The following ROR1 variants were observed in gnomAD, a reference collection of about 807,000 sequenced individuals.
ROR1 encodes inactive tyrosine-protein kinase transmembrane receptor ROR1.
A neutral mutation model predicts 78.8 loss-of-function variants in ROR1; 19 were observed. The ratio of observed to expected loss-of-function variants is 0.24; its 90% CI spans 0.17 to 0.35. ROR1 has a LOEUF of 0.35. Among genes scored for constraint, ROR1 ranks in the 10% least tolerant of loss-of-function variants. ROR1 has a pLI of 1.00. For synonymous variants in ROR1, 386 were observed against 433.6 expected, an observed-to-expected ratio of 0.89 and a Z score of 1.36; for missense variants, 917 against 1,177.8, an observed-to-expected ratio of 0.78 and a Z score of 3.24.
intron 1 of ROR1, among the ~76,000 whole-genome samples, chr1:63,870,740 T>C (rs1645245741): frequency 6.6e-6 from 1 of 152,182 alleles, no homozygotes; most frequent in South Asian, 2.1e-4. Flanking sequence ...AGACTGAGGA[T>C]GGAAATGTTG....
At chr1:63,828,338 A>G (rs1373294109) in intron 1 of ROR1, among the ~76,000 whole-genome samples, 1 of 152,166 alleles carries the variant, frequency 6.6e-6, no homozygotes, top group African/African-American at 2.4e-5. Context: ...TTTTGTCTTT[A>G]TTATGTAATT....
At chr1:64,045,158 T>C (rs772003770) in intron 2 of ROR1, among the ~76,000 whole-genome samples, 5 of 152,176 alleles carry the variant, frequency 3.3e-5, no homozygotes, top group Admixed American at 6.5e-5. Flanking sequence ...AATTTTGGTG[T>C]AGTATCAAAG....
chr1:64,110,268 G>GT (rs1648035185), intron 4 of ROR1, among the ~76,000 whole-genome samples: 1 of 152,132 alleles, frequency 6.6e-6, no homozygotes, highest in Non-Finnish European at 1.5e-5. Flanking sequence ...CATATTGTCT[G>GT]TTTTAACTAG....
At chr1:63,813,786 CT>C (rs1294933203) in intron 1 of ROR1, among the ~76,000 whole-genome samples, 1 of 152,168 alleles carries the variant, frequency 6.6e-6, no homozygotes, top group Non-Finnish European at 1.5e-5. Flanking sequence ...ATATTTATTG[CT>C]TTAGATAGAA....
At chr1:64,109,217 T>G (rs1647974173) in intron 4 of ROR1, among the ~76,000 whole-genome samples, 1 of 152,176 alleles carries the variant, frequency 6.6e-6, no homozygotes, top group Admixed American at 6.6e-5. Flanking sequence ...TAGCCAAATC[T>G]TCTAGACCTT....
At chr1:64,071,640 G>A (rs959855449) in intron 4 of ROR1, among the ~76,000 whole-genome samples, 1 of 149,934 alleles carries the variant, frequency 6.7e-6, no homozygotes, top group African/African-American at 2.4e-5. Flanking sequence ...TTTTGAAGAA[G>A]TATTTATGGG....
chr1:64,078,173 T>C (rs931719834), intron 4 of ROR1, among the ~76,000 whole-genome samples: 4 of 152,244 alleles, frequency 2.6e-5, no homozygotes, highest in Non-Finnish European at 5.9e-5. Flanking sequence ...TTATCTCATT[T>C]AATTCTTAAA....
chr1:64,115,858 T>G (rs1048412372), intron 4 of ROR1, among the ~76,000 whole-genome samples: 15 of 152,100 alleles, frequency 9.9e-5, no homozygotes, highest in Admixed American at 2.6e-4. Flanking sequence ...GAGTAATACC[T>G]GCCTCTGCAT....
chr1:64,153,444 T>C lies in ROR1; in HGVS notation c.1175-5537T>C, dbSNP rs553217238. Among the ~76,000 whole-genome samples, 13 of 152,338 alleles carry C rather than the reference T, an allele frequency of 8.5e-5. No individual in the cohort carries two copies. In the South Asian group the frequency reaches 2.7e-3, roughly 32 times the overall value. On this transcript the variant is annotated intron_variant, in intron 7 of 8. Coordinates refer to ENST00000371079, the MANE Select transcript of ROR1 (RefSeq NM_005012.4). Reference sequence around the variant, plus strand: ...ATTGAAGTCGGGGTCTCAAAATATTTGTACACCCATGTTCACTGCAGCATT... The same window carrying C: ...ATTGAAGTCGGGGTCTCAAAATATTCGTACACCCATGTTCACTGCAGCATT...
At chr1:64,148,245 G>A (rs755085524) in intron 7 of ROR1, among the ~76,000 whole-genome samples, 1 of 152,064 alleles carries the variant, frequency 6.6e-6, no homozygotes, top group African/African-American at 2.4e-5. Flanking sequence ...ACATGTGTCC[G>A]AGGTCACATG....
chr1:63,812,374 A>G (rs917745398), intron 1 of ROR1, among the ~76,000 whole-genome samples: 6 of 152,212 alleles, frequency 3.9e-5, no homozygotes, highest in African/African-American at 1.4e-4. Flanking sequence ...GAGTGGTTGT[A>G]ACAGAGACCA....
At chr1:64,125,748 G>T (rs898272433) in intron 4 of ROR1, among the ~76,000 whole-genome samples, 2 of 152,180 alleles carry the variant, frequency 1.3e-5, no homozygotes, top group African/African-American at 4.8e-5. Context: ...CCACCTTTGG[G>T]ATTGTATTCA....
At chr1:64,104,763 C>T (rs1434545276) in intron 4 of ROR1, among the ~76,000 whole-genome samples, 1 of 152,196 alleles carries the variant, frequency 6.6e-6, no homozygotes, top group Non-Finnish European at 1.5e-5. Context: ...CTTCCAGCTT[C>T]ATCCATGACC....
chr1:63,906,115 A>T (rs1374422931), intron 1 of ROR1, among the ~76,000 whole-genome samples: 1 of 152,202 alleles, frequency 6.6e-6, no homozygotes, highest in Non-Finnish European at 1.5e-5. Flanking sequence ...ATCTTGGCAA[A>T]TGGGATTGTT....
chr1:64,046,288 G>A (rs1646782602), intron 2 of ROR1, among the ~76,000 whole-genome samples: 1 of 152,158 alleles, frequency 6.6e-6, no homozygotes, highest in African/African-American at 2.4e-5. Context: ...GGATGCCCAG[G>A]TGTTCTCGTT....
intron 1 of ROR1, among the ~76,000 whole-genome samples, chr1:63,794,453 G>T (rs1450538705): frequency 2.6e-5 from 4 of 152,278 alleles, no homozygotes; most frequent in Middle Eastern, 6.8e-3. Flanking sequence ...ATCGAAACTG[G>T]CTTCCCCGGC....
chr1:64,063,690 A>G (rs1646934682), intron 4 of ROR1, among the ~76,000 whole-genome samples: 1 of 152,004 alleles, frequency 6.6e-6, no homozygotes, highest in South Asian at 2.1e-4. Context: ...CACATGCTCC[A>G]GAAGCAACAA....
chr1:63,917,605 T>G lies in ROR1; in HGVS notation c.92-91700T>G, dbSNP rs1035951130. Among the ~76,000 whole-genome samples, 24 of 152,184 alleles carry G rather than the reference T, an allele frequency of 1.6e-4. 1 individual carries two copies. The highest frequency in any genetic ancestry group is 1.5e-3 in the Admixed American group (23 of 15,288). ...AAACCGATGCAAAATTATAAAAAAT[T>G]AAATCATTTTTGCTTCTCAATCAGC... On this transcript the variant is annotated intron_variant, in intron 1 of 8. Transcript: ENST00000371079.
At chr1:63,893,325 T>G (rs995409604) in intron 1 of ROR1, among the ~76,000 whole-genome samples, 41 of 152,230 alleles carry the variant, frequency 2.7e-4, no homozygotes, top group African/African-American at 9.6e-4. Flanking sequence ...TCTCCAGCTC[T>G]CTGCTTACAT....
Sources: allele counts gnomAD v4.1 joint callset (sites outside exome capture counted in the v4.1 genomes callset), GRCh38; gene constraint gnomAD v4.1.1; transcripts MANE v1.5; gene names NCBI Gene and HGNC (gene_info 2026-07-23, HGNC 2026-07-21).